Variants in FGF13 observed in about 807,000 individuals in gnomAD.
FGF13 encodes fibroblast growth factor homologous factor 2.
In FGF13, 2 loss-of-function variants were observed where a neutral mutation model predicts 19.5. That is an observed-to-expected ratio of 0.10 (90% CI 0.04 to 0.32). The LOEUF (loss-of-function observed/expected upper bound fraction) is 0.32, where lower values mean the gene tolerates loss of function less well. Ranked by LOEUF, FGF13 falls within the 10% of genes least tolerant of loss-of-function variation. The pLI is 1.00. For missense variants in FGF13, 113 were observed against 192.7 expected, an observed-to-expected ratio of 0.59 and a Z score of 2.45; for synonymous variants, 72 against 76.9, an observed-to-expected ratio of 0.94 and a Z score of 0.33.
At chrX:138,867,707 A>ATGTGGGAAT (rs2091334789) in intron 1 of FGF13, among the ~76,000 whole-genome samples, 1 of 111,084 alleles carries the variant, frequency 9.0e-6, no homozygotes, top group African/African-American at 3.3e-5. Context: ...CTCCCACAAT[A>ATGTGGGAAT]TGTGGGAATT....
chrX:138,882,140 G>C (rs1362368188), intron 1 of FGF13, among the ~76,000 whole-genome samples: 1 of 110,751 alleles, frequency 9.0e-6, no homozygotes, highest in Non-Finnish European at 1.9e-5. Context: ...AATTTCTATT[G>C]TGATTTCTGT....
intron 3 of FGF13, among the ~76,000 whole-genome samples, chrX:138,750,160 T>C (rs1018055207): frequency 9.0e-5 from 10 of 111,223 alleles, no homozygotes; most frequent in African/African-American, 3.3e-4. Context: ...CCAAAGAGTA[T>C]TCTAGGGCTT....
rs145042278 is a variant in FGF13, at chrX:139,109,956, A to G, written c.-113+93460T>C. On this transcript the variant is annotated intron_variant, in intron 1 of 2. Coordinates refer to the FGF13 transcript ENST00000421460. ...CAATTAATTCACCAAATACTTACTG[A>G]GCATCTGGGCAAAACACTGCTGGAT... is the stretch of plus-strand genomic sequence containing the variant. Among the ~76,000 whole-genome samples, 655 of 111,338 alleles carry G rather than the reference A, an allele frequency of 5.9e-3. 5 individuals are homozygous for G. Among genetic ancestry groups the G allele is most frequent in the African/African-American group, 0.02 (616 of 30,662 alleles).
At chrX:138,822,658 C>T (rs976016063) in intron 3 of FGF13, among the ~76,000 whole-genome samples, 8 of 111,901 alleles carry the variant, frequency 7.1e-5, no homozygotes, top group South Asian at 3.8e-4. Flanking sequence ...TACAGGAATC[C>T]GAAATTTTAG....
At chrX:138,940,928 T>C (rs1286437606) in intron 1 of FGF13, among the ~76,000 whole-genome samples, 1 of 111,709 alleles carries the variant, frequency 9.0e-6, no homozygotes, top group Admixed American at 9.6e-5. Flanking sequence ...TGATTTCCTA[T>C]GAATTTTAAA....
chrX:139,173,872 G>A (rs2084155103), intron 1 of FGF13, among the ~76,000 whole-genome samples: 1 of 111,830 alleles, frequency 8.9e-6, no homozygotes, highest in Admixed American at 9.5e-5. Context: ...CCGTGTGCAT[G>A]TGTCTTTATA....
At chrX:138,952,319 A>C (rs376714966) in intron 1 of FGF13, among the ~76,000 whole-genome samples, 8 of 111,804 alleles carry the variant, frequency 7.2e-5, no homozygotes, top group Non-Finnish European at 1.3e-4. Flanking sequence ...CAAAAACAAG[A>C]AATGGGGAAA....
At chrX:139,139,137 T>C (rs1054049807) in intron 1 of FGF13, among the ~76,000 whole-genome samples, 1 of 110,550 alleles carries the variant, frequency 9.0e-6, no homozygotes, top group Non-Finnish European at 1.9e-5. Flanking sequence ...TTCACCATGT[T>C]GGTCAGGCTG....
At chrX:138,825,661 C>G (rs954961407) in intron 3 of FGF13, among the ~76,000 whole-genome samples, 4 of 111,597 alleles carry the variant, frequency 3.6e-5, no homozygotes, top group African/African-American at 1.3e-4. Flanking sequence ...TTCTAAGCCT[C>G]AGTTTTCTCA....
chrX:138,708,791 T>C, intron 2 of FGF13, 27 bp downstream of exon 2: 2 of 924,593 alleles, frequency 2.2e-6, no homozygotes, highest in Non-Finnish European at 3.1e-6. Flanking sequence ...CATGCTGGCA[T>C]ATACTATTTA....
intron 1 of FGF13, among the ~76,000 whole-genome samples, chrX:139,110,000 T>C (rs1446148545): frequency 9.0e-6 from 1 of 111,594 alleles, no homozygotes; most frequent in African/African-American, 3.3e-5. Context: ...ATGTGTCTCA[T>C]AGAAGAAGAT....
chrX:138,911,139 C>G (rs1031523832), intron 1 of FGF13, among the ~76,000 whole-genome samples: 1 of 111,954 alleles, frequency 8.9e-6, no homozygotes, highest in Non-Finnish European at 1.9e-5. Context: ...GAGCAATTAT[C>G]TCATTTCCAG....
At chrX:138,893,619 A>G (rs1256047510) in intron 1 of FGF13, among the ~76,000 whole-genome samples, 1 of 111,164 alleles carries the variant, frequency 9.0e-6, no homozygotes, top group Admixed American at 9.5e-5. Context: ...ATTTCATGTC[A>G]TCAATCACTT....
chrX:138,708,089 A>G (rs1361219960), intron 2 of FGF13, among the ~76,000 whole-genome samples: 1 of 112,651 alleles, frequency 8.9e-6, no homozygotes, highest in Non-Finnish European at 1.9e-5. Flanking sequence ...GCAAGAAAAC[A>G]TCAATCATCA....
In FGF13 at chrX:138,863,967, T is replaced by C. The variant is rs771370402; in HGVS notation, c.-39+610A>G. 3.6e-5 allele frequency among the ~76,000 whole-genome samples: 4 copies of C among 112,177 alleles called. No homozygotes were observed. In the South Asian group the frequency reaches 1.5e-3, roughly 42 times the overall value. On this transcript the variant is annotated intron_variant, in intron 2 of 2. Coordinates refer to the FGF13 transcript ENST00000421460. Reference sequence around the variant, plus strand: ...ATATTCGAAGCCTGATAATTCTTTGTTGTGAAGGGCTGTTTTGTCCATTGT... The same window carrying C: ...ATATTCGAAGCCTGATAATTCTTTGCTGTGAAGGGCTGTTTTGTCCATTGT...
intron 1 of FGF13, among the ~76,000 whole-genome samples, chrX:138,899,458 A>T (rs1164761317): frequency 3.6e-5 from 4 of 110,937 alleles, no homozygotes; most frequent in African/African-American, 1.3e-4. Flanking sequence ...CCCTTTCCTT[A>T]GCACAAAAAG....
chrX:138,711,875 T>C (rs1256485188), upstream of FGF13, among the ~76,000 whole-genome samples: 1 of 91,325 alleles, frequency 1.1e-5, no homozygotes, highest in Non-Finnish European at 2.1e-5. Context: ...GCTTCCGCAC[T>C]GCCCCAGTCG....
chrX:138,792,219 C>T (rs938142646), intron 3 of FGF13, among the ~76,000 whole-genome samples: 8 of 112,104 alleles, frequency 7.1e-5, no homozygotes, highest in Admixed American at 9.5e-5. Flanking sequence ...ACAATAACAA[C>T]GATAAATTTA....
intron 1 of FGF13, among the ~76,000 whole-genome samples, chrX:139,044,960 G>A (rs1345626738): frequency 8.9e-6 from 1 of 111,757 alleles, no homozygotes; most frequent in Non-Finnish European, 1.9e-5. Flanking sequence ...CTCTGTGTGG[G>A]GCCTTCGACT....
Sources: allele counts gnomAD v4.1 joint callset (sites outside exome capture counted in the v4.1 genomes callset), GRCh38; gene constraint gnomAD v4.1.1; transcripts MANE v1.5; gene names NCBI Gene and HGNC (gene_info 2026-07-23, HGNC 2026-07-21).